Variants in NDUFB6 observed in about 807,000 individuals in gnomAD.
NDUFB6 encodes NADH:ubiquinone oxidoreductase subunit B6, also known as NADH dehydrogenase [ubiquinone] 1 beta subcomplex subunit 6.
Under a neutral mutation model 17.5 loss-of-function variants are expected in NDUFB6, and 23 were observed. That is an observed-to-expected ratio of 1.31 (90% CI 0.94 to 1.86). The LOEUF is 1.86. Among genes scored for constraint, NDUFB6 ranks in the 40% most tolerant of loss-of-function variants. NDUFB6 has a pLI of 0.00. For synonymous variants in NDUFB6, 60 were observed against 53.5 expected, an observed-to-expected ratio of 1.12 and a Z score of -0.53; for missense variants, 167 against 153.8, an observed-to-expected ratio of 1.09 and a Z score of -0.46.
rs1175129676 is a variant in NDUFB6, at chr9:32,553,770, TTC to T, written c.*104_*105del. On this transcript the variant is annotated 3_prime_UTR_variant, in exon 4 of 4. Transcript: ENST00000379847. Reference sequence around the variant, plus strand: ...AATGCTTGAAAACAGATATGACAATTTCTGAGATTAAACTTTATTAAAGTTAC... The same window carrying T: ...AATGCTTGAAAACAGATATGACAATTTGAGATTAAACTTTATTAAAGTTAC... 6.6e-6 allele frequency: 5 copies of T among 762,424 alleles called. No individual in the cohort carries two copies. The highest frequency in any genetic ancestry group is 2.5e-5 in the Admixed American group (1 of 39,458). 47.2% of individuals were successfully genotyped at this position (762,424 alleles called of 1,614,324 possible). A position where few individuals can be genotyped will look rare whatever the true frequency, so the allele number is the denominator to read the frequency against.
At chr9:32,564,839 CA>C (rs1348774308) in intron 2 of NDUFB6, among the ~76,000 whole-genome samples, 5 of 152,224 alleles carry the variant, frequency 3.3e-5, no homozygotes, top group Non-Finnish European at 5.9e-5. Flanking sequence ...CTTGAAACTA[CA>C]ACATCCTTTT....
At position 32,553,199 on chromosome 9, in the gene NDUFB6, C is replaced by CT. The variant is rs539102970; in HGVS notation, c.*676dup. ...AATTCTTCAAAAATGATTCGGAAAG[C>CT]TTTTTTTTTTTTTGAGACGGAGTCT... is the stretch of plus-strand genomic sequence containing the variant. On this transcript the variant is annotated 3_prime_UTR_variant, in exon 4 of 4. Transcript: ENST00000379847. The CT allele has an allele frequency of 0.021, 4,680 of 224,252 alleles. 6 individuals are homozygous for CT. Among genetic ancestry groups the CT allele is most frequent in the South Asian group, 0.04 (581 of 14,588 alleles). The allele number at this position is 224,252 out of a possible 1,614,324, so 13.9% of individuals were successfully genotyped here.
intron 2 of NDUFB6, chr9:32,566,640 C>A (rs1364744483): frequency 7.6e-6 from 6 of 794,686 alleles, no homozygotes; most frequent in Admixed American, 1.7e-5. Flanking sequence ...CATGGAGGAG[C>A]AGGAGCTCAC....
At chr9:32,572,422 T>A (rs1381406998) in intron 1 of NDUFB6, among the ~76,000 whole-genome samples, 1 of 152,190 alleles carries the variant, frequency 6.6e-6, no homozygotes, top group Non-Finnish European at 1.5e-5. Flanking sequence ...TTTACGGGGA[T>A]CACATGGGGC....
chr9:32,563,144 G>C (rs1266137294), intron 2 of NDUFB6, among the ~76,000 whole-genome samples: 2 of 152,094 alleles, frequency 1.3e-5, no homozygotes, highest in Non-Finnish European at 2.9e-5. Flanking sequence ...GTAATGCTGT[G>C]TTCTTATTGC....
rs12341384 is a variant in NDUFB6 at position 32,567,486 on chromosome 9, C to T, written c.273+3474G>A. On this transcript the variant is annotated intron_variant, in intron 2 of 3. Transcript: ENST00000379847. Reference sequence around the variant, plus strand: ...TGGGACTACAGACGTGCACCAAGCCCGGCTAATTTTTGTATTTTAGTAGAG... The same window carrying T: ...TGGGACTACAGACGTGCACCAAGCCTGGCTAATTTTTGTATTTTAGTAGAG... 8.4e-3 allele frequency: 3,568 copies of T among 425,846 alleles called. 94 individuals are homozygous for T. The highest frequency in any genetic ancestry group is 0.064 in the African/African-American group (3,131 of 49,280). 26.4% of individuals were successfully genotyped at this position (425,846 alleles called of 1,614,324 possible). A position where few individuals can be genotyped will look rare whatever the true frequency, so the allele number is the denominator to read the frequency against.
chr9:32,571,983 C>T (rs1464806795), intron 1 of NDUFB6, among the ~76,000 whole-genome samples: 1 of 152,200 alleles, frequency 6.6e-6, no homozygotes, highest in African/African-American at 2.4e-5. Flanking sequence ...AACTCATATT[C>T]AATTCCTAGC....
intron 2 of NDUFB6, among the ~76,000 whole-genome samples, chr9:32,562,785 C>G (rs996434323): frequency 1.3e-5 from 2 of 152,210 alleles, no homozygotes; most frequent in Non-Finnish European, 2.9e-5. Context: ...TCAATTGTCT[C>G]AATAATTGTT....
Position 32,553,064 on chromosome 9 carries a change from C to T in NDUFB6, c.*812G>A, listed in dbSNP as rs1050297638. 12 of 520,590 alleles carry T rather than the reference C, an allele frequency of 2.3e-5. No homozygotes were observed. The highest frequency in any genetic ancestry group is 2.2e-4 in the Admixed American group (6 of 27,804). 32.2% of individuals were successfully genotyped at this position (520,590 alleles called of 1,614,324 possible). ...CAAGCACTAGTATGCAAATTTTTCA[C>T]TTAGAGATTTTAGTATTTTACATTC... On this transcript the variant is annotated 3_prime_UTR_variant, in exon 4 of 4. Coordinates refer to ENST00000379847, the MANE Select transcript of NDUFB6 (RefSeq NM_002493.5).
intron 2 of NDUFB6, among the ~76,000 whole-genome samples, chr9:32,565,960 G>A (rs1821773525): frequency 6.6e-6 from 1 of 151,680 alleles, no homozygotes; most frequent in Admixed American, 6.6e-5. Context: ...CAACGAAAGT[G>A]AAACTCCACC....
chr9:32,556,329 G>A (rs1020044284), intron 3 of NDUFB6, among the ~76,000 whole-genome samples: 2 of 152,204 alleles, frequency 1.3e-5, no homozygotes, highest in African/African-American at 4.8e-5. Context: ...CTACTTCTAA[G>A]CTTAGATCCT....
At chr9:32,566,568 T>C in intron 2 of NDUFB6, 3 of 781,560 alleles carry the variant, frequency 3.8e-6, no homozygotes, top group Non-Finnish European at 4.7e-6. Context: ...CTGCACAGAC[T>C]GGAGCTTCTG....
At chr9:32,566,788 T>C (rs750810189) in intron 2 of NDUFB6, 29 of 916,352 alleles carry the variant, frequency 3.2e-5, no homozygotes, top group East Asian at 1.6e-4. Context: ...TGGCTGACGT[T>C]GTACAGGAGG....
intron 1 of NDUFB6, among the ~76,000 whole-genome samples, chr9:32,572,468 T>C (rs1214250980): frequency 1.3e-5 from 2 of 152,148 alleles, no homozygotes; most frequent in Non-Finnish European, 2.9e-5. Context: ...TGCCCTCTGG[T>C]GGTTGGATAC....
Position 32,553,848 on chromosome 9 carries a change from A to C in NDUFB6, c.*28T>G. The C allele has an allele frequency of 6.9e-7, 1 of 1,450,740 alleles. No individual in the cohort carries two copies. The highest frequency in any genetic ancestry group is 9.6e-7 in the Non-Finnish European group (1 of 1,036,658). The allele number at this position is 1,450,740 out of a possible 1,614,324, so 89.9% of individuals were successfully genotyped here. On this transcript the variant is annotated 3_prime_UTR_variant, in exon 4 of 4. Transcript: ENST00000379847. ...GTAATATAGGAACAAACTTAGGCTC[A>C]TAAGCCTTTTAACTTTTTACATAAT...
chr9:32,566,863 A>G, intron 2 of NDUFB6: 2 of 700,352 alleles, frequency 2.9e-6, no homozygotes, highest in Non-Finnish European at 4.8e-6. Context: ...GGCGGCCTGG[A>G]TGAGCCACGC....
chr9:32,571,108 C>A, intron 1 of NDUFB6, 56 bp from the exon 2 acceptor site: 1 of 1,242,264 alleles, frequency 8.0e-7, no homozygotes. Context: ...ATATTTATGG[C>A]AGAACAAAAG....
rs1821366577 is a variant in NDUFB6, at chr9:32,553,594, G to A, written c.*282C>T. 2.7e-6 allele frequency: 1 copy of A among 369,612 alleles called. No homozygotes were observed. The allele number at this position is 369,612 out of a possible 1,614,324, so 22.9% of individuals were successfully genotyped here. A position where few individuals can be genotyped will look rare whatever the true frequency, so the allele number is the denominator to read the frequency against. On this transcript the variant is annotated 3_prime_UTR_variant, in exon 4 of 4. Transcript: ENST00000379847. ...CTGATACCAAATTAGTGTAAGTACT[G>A]TGTAAGAAAAAAACAAACAAACATG...
chr9:32,567,506 G>A (rs1251930814), intron 2 of NDUFB6: 1 of 424,856 alleles, frequency 2.4e-6, no homozygotes, highest in East Asian at 7.1e-5. Flanking sequence ...TTGTATTTTA[G>A]TAGAGATGGG....
Sources: gnomAD v4.1 joint callset for allele counts (sites outside exome capture counted in the v4.1 genomes callset) on GRCh38, gnomAD v4.1.1 for gene constraint, MANE v1.5 for transcripts, NCBI Gene and HGNC (gene_info 2026-07-23, HGNC 2026-07-21) for gene names.